RUVBL2: variants seen among roughly 807,000 people sequenced by gnomAD.
The protein encoded by RUVBL2 is ruvB-like 2.
RUVBL2 carries 9 observed loss-of-function variants against 57.9 expected under a neutral mutation model. That is an observed-to-expected ratio of 0.16 (90% CI 0.09 to 0.27). RUVBL2 has a LOEUF of 0.27. RUVBL2 is among the 10% of genes least tolerant of loss of function. The probability of loss-of-function intolerance (pLI) is 1.00; values close to 1 mark genes in which losing one functional copy is unlikely to be tolerated. For missense variants in RUVBL2, 456 were observed against 669.6 expected (o/e 0.68, Z 3.52); for synonymous variants, 278 against 264.6 (o/e 1.05, Z -0.49).
At chr19:49,014,360 A>C in intron 11 of RUVBL2, 124 bp from the exon 12 acceptor site, 1 of 1,160,518 alleles carries the variant, frequency 8.6e-7, no homozygotes, top group Non-Finnish European at 1.2e-6. Flanking sequence ...AGGAGACGCG[A>C]GCTAAAGGTT....
Position 49,011,546 on chromosome 19 carries a change from C to T in RUVBL2, c.1001+236C>T, listed in dbSNP as rs4802534. Among the ~76,000 whole-genome samples the T allele has an allele frequency of 0.56, 85,878 of 152,098 alleles. 24,775 individuals are homozygous for T. Among genetic ancestry groups the T allele is most frequent in the Admixed American group, 0.66 (10,065 of 15,282 alleles). On this transcript the variant is annotated intron_variant, in intron 11 of 14. Transcript: ENST00000595090. This position sits in a 1 kb window ranked among gnomAD's most constrained non-coding sequence, Gnocchi z 4.4. ...CTCCTTTAGCCCCCAAGGCTGCAGT[C>T]TTCAAACTGCGTGCCGAGGCACCCC...
In RUVBL2 at chr19:49,015,859, C is replaced by G; in HGVS notation, c.*17C>G. Reference sequence around the variant, plus strand: ...ACCTCCTGAGTTGGATGTCATCCCCCGACCCCACCCTGTTTTCCACCAGAG... The same window carrying G: ...ACCTCCTGAGTTGGATGTCATCCCCGGACCCCACCCTGTTTTCCACCAGAG... On this transcript the variant is annotated 3_prime_UTR_variant, in exon 15 of 15. Transcript: ENST00000595090. The G allele has an allele frequency of 6.2e-7, 1 of 1,614,174 alleles. No homozygotes were observed. The highest frequency in any genetic ancestry group is 8.5e-7 in the Non-Finnish European group (1 of 1,180,024).
intron 3 of RUVBL2, 116 bp from the exon 4 acceptor site, chr19:49,004,161 T>C: frequency 7.4e-7 from 1 of 1,343,528 alleles, no homozygotes; most frequent in South Asian, 1.3e-5. Context: ...CTTTTTTGGC[T>C]TTTCCTAGAA....
chr19:48,998,265 T>C (rs1309522467), intron 1 of RUVBL2, among the ~76,000 whole-genome samples: 2 of 152,174 alleles, frequency 1.3e-5, no homozygotes, highest in Admixed American at 6.5e-5. Context: ...GGCCAGCATG[T>C]GCAAGGCCTG....
Position 48,999,301 on chromosome 19 carries a change from ATCT to A in RUVBL2, c.13-13_13-11del, listed in dbSNP as rs2039130231. ...TGGGACCACACTAGTCCTCTGACAC[ATCT>A]TCTTGCACCCCCAGACAGCCACAAC... On this transcript the variant is annotated splice_polypyrimidine_tract_variant and intron_variant, in intron 1 of 14. Coordinates refer to ENST00000595090, the MANE Select transcript of RUVBL2 (RefSeq NM_006666.3). 1 of 1,614,140 alleles carries A rather than the reference ATCT, an allele frequency of 6.2e-7. No homozygotes were observed. Among genetic ancestry groups the A allele is most frequent in the African/African-American group, 1.3e-5 (1 of 75,058 alleles).
At chr19:48,995,058 T>C (rs2039028601) in intron 1 of RUVBL2, 1 of 151,620 alleles carries the variant, frequency 6.6e-6, no homozygotes, top group Non-Finnish European at 1.5e-5. Flanking sequence ...GAGATTTGAG[T>C]CTGTTGCTGT....
rs190980041 is a variant in RUVBL2 at position 49,011,170 on chromosome 19, C to G, written c.883-22C>G. 12 of 1,611,120 alleles carry G rather than the reference C, an allele frequency of 7.4e-6. No individual in the cohort carries two copies. Among genetic ancestry groups the G allele is most frequent in the Middle Eastern group, 1.7e-4 (1 of 6,054 alleles). On this transcript the variant is annotated intron_variant, in intron 10 of 14. Coordinates refer to ENST00000595090, the MANE Select transcript of RUVBL2 (RefSeq NM_006666.3). The surrounding 1 kb of genome is among the most constrained non-coding windows in gnomAD (Gnocchi z 4.4). ...GGAAGTGGGGACGCGGGTGGTGACT[C>G]TCACACACACCCCAATCCAAGGTGC...
At position 49,013,079 on chromosome 19, in the gene RUVBL2, T is replaced by A. The variant is rs998456365; in HGVS notation, c.1002-1405T>A. Among the ~76,000 whole-genome samples, 16 of 152,214 alleles carry A rather than the reference T, an allele frequency of 1.1e-4. 2 individuals are homozygous for A. Among genetic ancestry groups the A allele is most frequent in the Admixed American group, 9.8e-4 (15 of 15,288 alleles). On this transcript the variant is annotated intron_variant, in intron 11 of 14. Transcript: ENST00000595090. ...TCTGGGTTCAAGCAGTTTTCCTGCC[T>A]CAGCCTCCTGAGTAGCTGGGATTAT...
chr19:49,013,315 G>C (rs1352112517), intron 11 of RUVBL2, among the ~76,000 whole-genome samples: 1 of 149,896 alleles, frequency 6.7e-6, no homozygotes, highest in African/African-American at 2.5e-5. Flanking sequence ...GCCCAGGCTG[G>C]TCTCAAACTC....
chr19:48,996,471 G>A (rs1012436078), intron 1 of RUVBL2, among the ~76,000 whole-genome samples: 11 of 150,992 alleles, frequency 7.3e-5, no homozygotes, highest in South Asian at 4.2e-4. Context: ...GACTACAGGT[G>A]CGCGTCACCA....
intron 2 of RUVBL2, among the ~76,000 whole-genome samples, chr19:49,002,313 G>T (rs2039200689): frequency 6.6e-6 from 1 of 151,970 alleles, no homozygotes; most frequent in African/African-American, 2.4e-5. Flanking sequence ...GCCTCCCGAA[G>T]TGCTGGGATT....
chr19:49,015,511 G>T (rs1179401555), intron 13 of RUVBL2, 61 bp from the exon 14 acceptor site: 2 of 1,248,912 alleles, frequency 1.6e-6, no homozygotes, highest in African/African-American at 3.0e-5. Context: ...GCATACGCTG[G>T]GGTCTGTGCC....
intron 9 of RUVBL2, 131 bp from the exon 10 acceptor site, chr19:49,010,868 G>T: frequency 1.1e-6 from 1 of 912,224 alleles, no homozygotes; most frequent in Non-Finnish European, 1.7e-6. Flanking sequence ...GGATGTTTCA[G>T]GCTCCTCATC....
chr19:49,012,843 C>CCACACACACACACACACACACACACACA (rs58302006), intron 11 of RUVBL2, among the ~76,000 whole-genome samples: 1 of 141,804 alleles, frequency 7.1e-6, no homozygotes, highest in African/African-American at 2.6e-5. Context: ...TCAGTGCCCA[C>CCACACACACACACACACACACACACACA]CACACACACA....
chr19:48,999,380 G>A lies in RUVBL2; in HGVS notation c.67+7G>A, dbSNP rs374743277. On this transcript the variant is annotated splice_region_variant and intron_variant, in intron 2 of 14. Coordinates refer to ENST00000595090, the MANE Select transcript of RUVBL2 (RefSeq NM_006666.3). ...ACAAGGATTGAGCGAATCGGTGAGT[G>A]AGTTGGGTCAGGAATAGGACCTAAG... is the stretch of plus-strand genomic sequence containing the variant. 12 of 1,614,202 alleles carry A rather than the reference G, an allele frequency of 7.4e-6. No individual in the cohort carries two copies. The highest frequency in any genetic ancestry group is 8.5e-6 in the Non-Finnish European group (10 of 1,180,014).
chr19:49,009,458 G>A (rs773759860), intron 6 of RUVBL2, among the ~76,000 whole-genome samples: 35 of 151,996 alleles, frequency 2.3e-4, no homozygotes, highest in Admixed American at 5.2e-4. Context: ...CTACACTCCA[G>A]CGTGGGCGAC....
chr19:48,999,145 C>G (rs1253807377), intron 1 of RUVBL2, among the ~76,000 whole-genome samples, 174 bp from the exon 2 acceptor site: 5 of 152,238 alleles, frequency 3.3e-5, no homozygotes, highest in South Asian at 4.2e-4. Context: ...TGGGGCTCAA[C>G]CAACCAGCCA....
At chr19:49,006,662 G>A (rs1407744235) in intron 4 of RUVBL2, among the ~76,000 whole-genome samples, 1 of 152,238 alleles carries the variant, frequency 6.6e-6, no homozygotes, top group Admixed American at 6.5e-5. Context: ...GGGCTCCTTG[G>A]CCTTCGTCCC....
chr19:49,001,772 G>A (rs1335037595), intron 2 of RUVBL2, among the ~76,000 whole-genome samples: 2 of 151,852 alleles, frequency 1.3e-5, no homozygotes, highest in South Asian at 2.1e-4. Context: ...CACCACGGCC[G>A]TCTAATTTTT....
Sources: gnomAD v4.1 joint callset for allele counts (sites outside exome capture counted in the v4.1 genomes callset) on GRCh38, gnomAD v4.1.1 for gene constraint, Gnocchi (gnomAD v3.1) non-coding constraint, MANE v1.5 for transcripts, NCBI Gene and HGNC (gene_info 2026-07-23, HGNC 2026-07-21) for gene names.